Variants in ATP10A observed in about 807,000 individuals in gnomAD.
The protein encoded by ATP10A is phospholipid-transporting ATPase VA.
Under a neutral mutation model 147.8 loss-of-function variants are expected in ATP10A, and 111 were observed. The ratio of observed to expected loss-of-function variants is 0.75; its 90% CI spans 0.64 to 0.88. ATP10A has a LOEUF of 0.88. Among genes scored for constraint, ATP10A ranks in the 40% least tolerant of loss-of-function variants. The probability of loss-of-function intolerance (pLI) is 0.00; values close to 1 mark genes in which losing one functional copy is unlikely to be tolerated. For missense variants in ATP10A, 1,927 were observed against 1,959.0 expected, an observed-to-expected ratio of 0.98 and a Z score of 0.31; for synonymous variants, 875 against 841.6, an observed-to-expected ratio of 1.04 and a Z score of -0.69.
At chr15:25,704,396 A>AC (rs1230033638) in intron 12 of ATP10A, among the ~76,000 whole-genome samples, 1 of 152,186 alleles carries the variant, frequency 6.6e-6, no homozygotes, top group Non-Finnish European at 1.5e-5. Flanking sequence ...TGCCTCAAGG[A>AC]CCTTGTGCCT....
intron 2 of ATP10A, among the ~76,000 whole-genome samples, chr15:25,778,357 G>A (rs1889729641): frequency 6.6e-6 from 1 of 152,094 alleles, no homozygotes; most frequent in African/African-American, 2.4e-5. Flanking sequence ...TGGCATTTGT[G>A]GTTTTTCAAT....
In ATP10A at chr15:25,819,218, A is replaced by G. The variant is rs182533825; in HGVS notation, c.450-37995T>C. Among the ~76,000 whole-genome samples the G allele has an allele frequency of 3.4e-4, 52 of 152,322 alleles. 1 individual carries two copies. Among genetic ancestry groups the G allele is most frequent in the Admixed American group, 8.5e-4 (13 of 15,300 alleles). ...ACATCCAGAATTTACAAGGAACTCA[A>G]ACAAATTTACAAAAACCAAGTAACT... On this transcript the variant is annotated intron_variant, in intron 1 of 20. Transcript: ENST00000555815.
At chr15:25,707,657 G>A (rs895135016) in intron 12 of ATP10A, among the ~76,000 whole-genome samples, 3 of 152,120 alleles carry the variant, frequency 2.0e-5, no homozygotes, top group Non-Finnish European at 4.4e-5. Context: ...CCTGTTTCCC[G>A]AGGGGAAAAT....
chr15:25,718,887 A>G (rs1902026457), intron 7 of ATP10A, among the ~76,000 whole-genome samples: 1 of 152,120 alleles, frequency 6.6e-6, no homozygotes, highest in Non-Finnish European at 1.5e-5. Context: ...AGGGGGGCTC[A>G]CACTCCCAGA....
At chr15:25,726,309 G>A (rs1385763643) in intron 4 of ATP10A, among the ~76,000 whole-genome samples, 1 of 152,104 alleles carries the variant, frequency 6.6e-6, no homozygotes, top group Non-Finnish European at 1.5e-5. Flanking sequence ...TGTGGAGAAC[G>A]AAATGGAAAG....
intron 1 of ATP10A, among the ~76,000 whole-genome samples, chr15:25,806,733 G>A (rs554983255): frequency 1.3e-5 from 2 of 152,212 alleles, no homozygotes; most frequent in African/African-American, 2.4e-5. Flanking sequence ...TAATGCTTCC[G>A]GTCAACAGTA....
intron 1 of ATP10A, among the ~76,000 whole-genome samples, chr15:25,798,157 T>C (rs1009392217): frequency 2.0e-5 from 3 of 152,136 alleles, no homozygotes; most frequent in Admixed American, 6.5e-5. Context: ...TTCACTGACA[T>C]AGGCAGTCTC....
At chr15:25,850,444 C>T (rs113731251) in intron 1 of ATP10A, among the ~76,000 whole-genome samples, 1,731 of 152,254 alleles carry the variant, frequency 0.011, 31 homozygotes, top group African/African-American at 0.039. Context: ...GGAGAGGCCC[C>T]GGCTGTGTCT....
intron 1 of ATP10A, among the ~76,000 whole-genome samples, chr15:25,820,855 C>T (rs1187837097): frequency 3.3e-5 from 5 of 152,046 alleles, no homozygotes; most frequent in East Asian, 3.9e-4. Context: ...TTGCATATTT[C>T]AGGGTTCAAA....
At chr15:25,797,425 G>GCCCTGGC (rs928391510) in intron 1 of ATP10A, among the ~76,000 whole-genome samples, 1 of 152,144 alleles carries the variant, frequency 6.6e-6, no homozygotes, top group South Asian at 2.1e-4. Context: ...CATGGTGGCT[G>GCCCTGGC]CCCTGGCCCC....
At chr15:25,746,898 G>A (rs1429351008) in intron 2 of ATP10A, among the ~76,000 whole-genome samples, 3 of 152,022 alleles carry the variant, frequency 2.0e-5, no homozygotes, top group South Asian at 2.1e-4. Flanking sequence ...GGAGATTTTC[G>A]GATTAGGAAT....
chr15:25,763,881 T>C (rs1193198283), intron 2 of ATP10A, among the ~76,000 whole-genome samples: 1 of 152,226 alleles, frequency 6.6e-6, no homozygotes, highest in Non-Finnish European at 1.5e-5. Flanking sequence ...CATTTTTTTG[T>C]AAAAGATAAC....
intron 1 of ATP10A, among the ~76,000 whole-genome samples, chr15:25,812,055 G>C (rs973716834): frequency 6.6e-6 from 1 of 152,208 alleles, no homozygotes; most frequent in Non-Finnish European, 1.5e-5. Context: ...GCGCAAACAC[G>C]CTCCCCTAAA....
intron 8 of ATP10A, among the ~76,000 whole-genome samples, chr15:25,717,159 C>T (rs566277193): frequency 2.0e-5 from 3 of 152,312 alleles, no homozygotes; most frequent in East Asian, 1.9e-4. Flanking sequence ...CTAGTCTTTT[C>T]GCTCTACATT....
chr15:25,691,659 G>A (rs1205062104), intron 15 of ATP10A, 56 bp downstream of exon 15: 12 of 1,575,006 alleles, frequency 7.6e-6, no homozygotes, highest in Non-Finnish European at 9.6e-6. Flanking sequence ...CAGGGTGACA[G>A]GACAAGAGGT....
chr15:25,849,114 G>A (rs969362091), intron 1 of ATP10A, among the ~76,000 whole-genome samples: 3 of 151,954 alleles, frequency 2.0e-5, no homozygotes, highest in African/African-American at 7.2e-5. Flanking sequence ...AGCAGGTTTA[G>A]AATCCATTAG....
intron 2 of ATP10A, among the ~76,000 whole-genome samples, chr15:25,756,652 A>G (rs1417764232): frequency 6.7e-6 from 1 of 149,824 alleles, no homozygotes; most frequent in Non-Finnish European, 1.5e-5. Flanking sequence ...CAAATAAAAA[A>G]AAAGAAAGAA....
At chr15:25,750,704 TATGATGATGATGATGATGATGATG>T (rs56087263) in intron 2 of ATP10A, among the ~76,000 whole-genome samples, 1 of 150,876 alleles carries the variant, frequency 6.6e-6, no homozygotes, top group Non-Finnish European at 1.5e-5. Context: ...AACATATATA[TATGATGATGATGATGATGATGATG>T]ATGATGATGA....
chr15:25,691,360 G>A (rs1337357840), intron 15 of ATP10A, among the ~76,000 whole-genome samples: 1 of 152,098 alleles, frequency 6.6e-6, no homozygotes, highest in East Asian at 1.9e-4. Flanking sequence ...TTTTCAAATG[G>A]TATTGCTCCG....
Sources: allele counts gnomAD v4.1 joint callset (sites outside exome capture counted in the v4.1 genomes callset), GRCh38; gene constraint gnomAD v4.1.1; transcripts MANE v1.5; gene names NCBI Gene and HGNC (gene_info 2026-07-23, HGNC 2026-07-21).